RIN2: variants seen among roughly 807,000 people sequenced by gnomAD.
The protein encoded by RIN2 is RAB5 interacting protein 2.
In RIN2, 36 loss-of-function variants were observed where a neutral mutation model predicts 78.0. The ratio of observed to expected loss-of-function variants is 0.46; its 90% CI spans 0.35 to 0.61. The LOEUF (loss-of-function observed/expected upper bound fraction) is 0.61. Ranked by LOEUF, RIN2 falls within the 20% of genes least tolerant of loss-of-function variation. RIN2 has a pLI of 0.00. For synonymous variants in RIN2, 466 were observed against 466.8 expected, an observed-to-expected ratio of 1.00 and a Z score of 0.02; for missense variants, 1,087 against 1,159.7, an observed-to-expected ratio of 0.94 and a Z score of 0.91.
At chr20:19,913,326 A>G (rs2039553816) in intron 3 of RIN2, among the ~76,000 whole-genome samples, 1 of 152,026 alleles carries the variant, frequency 6.6e-6, no homozygotes, top group South Asian at 2.1e-4. Flanking sequence ...CATTTTAAGC[A>G]CTTTAGTGAT....
chr20:19,975,642 C>T lies in RIN2; in HGVS notation c.1617C>T (p.Phe539=), dbSNP rs767016549. 1 of 1,613,796 alleles carries T rather than the reference C, an allele frequency of 6.2e-7. No individual in the cohort carries two copies. The highest frequency in any genetic ancestry group is 8.5e-7 in the Non-Finnish European group (1 of 1,179,886). Residue 539 remains phenylalanine (F), a synonymous_variant, in exon 9 of 13, where the codon TTC becomes TTT. Coordinates refer to ENST00000255006, the MANE Select transcript of RIN2 (RefSeq NM_018993.4). The surrounding 1 kb of genome is among the most constrained non-coding windows in gnomAD (Gnocchi z 4.9). ...FGCLVQDYVS[F]LQENKECHVS... ...GCTTAGTGCAGGACTACGTGAGCTTCCTGCAGGAGAACAAGGAGTGCCACG... is the reference window on the plus strand; with the variant it reads ...GCTTAGTGCAGGACTACGTGAGCTTTCTGCAGGAGAACAAGGAGTGCCACG...
intron 2 of RIN2, among the ~76,000 whole-genome samples, chr20:19,842,581 C>T (rs2036617614): frequency 6.6e-6 from 1 of 151,748 alleles, no homozygotes; most frequent in South Asian, 2.1e-4. Context: ...ATATTTTAAT[C>T]CCACTGTTGA....
Position 19,834,129 on chromosome 20 carries a change from C to T in RIN2, c.-37+34382C>T, listed in dbSNP as rs147773506. Reference sequence around the variant, plus strand: ...GTTATGGATCATTTAGTGACTCCTGCTAATCTCCTTAGTACAGACTGTCAG... The same window carrying T: ...GTTATGGATCATTTAGTGACTCCTGTTAATCTCCTTAGTACAGACTGTCAG... On this transcript the variant is annotated intron_variant, in intron 2 of 12. Transcript: ENST00000255006. Among the ~76,000 whole-genome samples, 377 of 152,294 alleles carry T rather than the reference C, an allele frequency of 2.5e-3. 3 individuals are homozygous for T. Among genetic ancestry groups the T allele is most frequent in the African/African-American group, 8.5e-3 (354 of 41,562 alleles).
chr20:19,987,307 T>C (rs2042651813), intron 9 of RIN2, among the ~76,000 whole-genome samples: 1 of 152,238 alleles, frequency 6.6e-6, no homozygotes, highest in South Asian at 2.1e-4. Context: ...GACATGGCCT[T>C]TGTCCTCCCG....
At chr20:19,892,555 A>C (rs151142574) in intron 3 of RIN2, among the ~76,000 whole-genome samples, 1 of 144,160 alleles carries the variant, frequency 6.9e-6, no homozygotes, top group Non-Finnish European at 1.5e-5. Flanking sequence ...TAAATGATAT[A>C]GTTACTTTAT....
intron 2 of RIN2, among the ~76,000 whole-genome samples, chr20:19,834,498 C>T (rs767418145): frequency 1.3e-5 from 2 of 152,132 alleles, no homozygotes; most frequent in Non-Finnish European, 1.5e-5. Context: ...CCACCCAGTG[C>T]GACGCTCTGG....
intron 2 of RIN2, among the ~76,000 whole-genome samples, chr20:19,818,183 A>G (rs2035822028): frequency 6.9e-6 from 1 of 145,496 alleles, no homozygotes; most frequent in South Asian, 2.2e-4. Flanking sequence ...TACAGTAAAA[A>G]TATGGTATAA....
chr20:19,933,748 G>A (rs1171070795), intron 3 of RIN2, among the ~76,000 whole-genome samples: 1 of 152,174 alleles, frequency 6.6e-6, no homozygotes, highest in Non-Finnish European at 1.5e-5. Flanking sequence ...TTTCTCTTTA[G>A]TGAGAACAGT....
chr20:19,811,044 A>G (rs941893838), intron 2 of RIN2, among the ~76,000 whole-genome samples: 1 of 113,336 alleles, frequency 8.8e-6, no homozygotes, highest in African/African-American at 7.1e-5. Context: ...ATTGTTTAAT[A>G]TAAAAAAAAA....
intron 9 of RIN2, among the ~76,000 whole-genome samples, chr20:19,986,711 C>T (rs185136837): frequency 1.4e-4 from 22 of 152,302 alleles, no homozygotes; most frequent in Admixed American, 1.2e-3. Flanking sequence ...CAGAGGTGAC[C>T]GGGCTCACTC....
At position 19,974,676 on chromosome 20, in the gene RIN2, C is replaced by T. The variant is rs746407150; in HGVS notation, c.651C>T (p.Asp217=). Residue 217 remains aspartate, a synonymous_variant, in exon 9 of 13, where the codon GAC becomes GAT. Transcript: ENST00000255006. ...MGLNFWSSPA[D]SKPPNLPPPH... ...CAGATTTCTGGAGCTCCCCAGCTGA[C>T]AGCAAACCCCCGAACCTTCCACCTC... 11 of 1,612,772 alleles carry T rather than the reference C, an allele frequency of 6.8e-6. No homozygotes were observed. The highest frequency in any genetic ancestry group is 6.7e-5 in the Admixed American group (4 of 59,970).
chr20:19,923,143 C>A (rs1023812131), intron 3 of RIN2, among the ~76,000 whole-genome samples: 3 of 152,142 alleles, frequency 2.0e-5, no homozygotes, highest in African/African-American at 4.8e-5. Flanking sequence ...AAGAGGCCAG[C>A]GCGGTAGCTC....
intron 9 of RIN2, among the ~76,000 whole-genome samples, chr20:19,981,325 A>G (rs2042446740): frequency 6.6e-6 from 1 of 152,158 alleles, no homozygotes; most frequent in South Asian, 2.1e-4. Context: ...TGCATGACTC[A>G]TCACTGAAAT....
intron 2 of RIN2, among the ~76,000 whole-genome samples, chr20:19,814,671 C>T (rs1268276937): frequency 7.9e-5 from 12 of 152,112 alleles, no homozygotes; most frequent in African/African-American, 1.2e-4. Context: ...ACAATCAGAC[C>T]GCACTGGAAC....
chr20:19,936,500 G>C (rs1489076702), intron 4 of RIN2, among the ~76,000 whole-genome samples: 1 of 152,208 alleles, frequency 6.6e-6, no homozygotes, highest in African/African-American at 2.4e-5. Context: ...TGGTAGCACT[G>C]ATTTCTTTCA....
chr20:19,956,828 A>T (rs1167652785), intron 5 of RIN2, 21 bp downstream of exon 5: 1 of 1,513,140 alleles, frequency 6.6e-7, no homozygotes, highest in Non-Finnish European at 8.9e-7. Context: ...GAACCTCGGG[A>T]AGCAGGTTGA....
In RIN2 at chr20:19,857,648, C is replaced by T. The variant is rs182302597; in HGVS notation, c.-36-31918C>T. On this transcript the variant is annotated intron_variant, in intron 2 of 12. Coordinates refer to ENST00000255006, the MANE Select transcript of RIN2 (RefSeq NM_018993.4). ...GGTATGATCAGTCTTTTAAATTTTA[C>T]TTATTCCAGAGGGTGCATGGGAGTG... Among the ~76,000 whole-genome samples, 402 of 152,186 alleles carry T rather than the reference C, an allele frequency of 2.6e-3. 5 individuals are homozygous for T. The highest frequency in any genetic ancestry group is 1.1e-3 in the Non-Finnish European group (77 of 68,022).
rs529260935 is a variant in RIN2 at position 19,811,228 on chromosome 20, A to G, written c.-37+11481A>G. 2.6e-5 allele frequency among the ~76,000 whole-genome samples: 4 copies of G among 152,150 alleles called. No homozygotes were observed. In the East Asian group the frequency reaches 7.8e-4, roughly 30 times the overall value. ...TAGGGAAATGGGAGAGAGAAGGGAA[A>G]GAACGAGTGTTAAAGATCAGATGCC... On this transcript the variant is annotated intron_variant, in intron 2 of 12. Transcript: ENST00000255006.
chr20:19,910,889 A>G (rs953362977), intron 3 of RIN2, among the ~76,000 whole-genome samples: 17 of 151,888 alleles, frequency 1.1e-4, no homozygotes, highest in Non-Finnish European at 1.2e-4. Flanking sequence ...GTTTATTGAT[A>G]TAATTCCAAA....
Sources: allele counts gnomAD v4.1 joint callset (sites outside exome capture counted in the v4.1 genomes callset), GRCh38; gene constraint gnomAD v4.1.1; non-coding constraint Gnocchi (gnomAD v3.1); transcripts MANE v1.5; gene names NCBI Gene and HGNC (gene_info 2026-07-23, HGNC 2026-07-21).